CSMD2: variants seen among roughly 807,000 people sequenced by gnomAD.
CSMD2 encodes CUB and sushi domain-containing protein 2.
Under a neutral mutation model 398.5 loss-of-function variants are expected in CSMD2, and 130 were observed. The observed-to-expected ratio is 0.33, with a 90% CI of 0.28 to 0.38. The LOEUF is 0.38. CSMD2 is among the 10% of genes least tolerant of loss of function. CSMD2 has a pLI of 1.00. For missense variants in CSMD2, 3,829 were observed against 4,764.9 expected (o/e 0.80, Z 5.78); for synonymous variants, 1,828 against 1,908.5 (o/e 0.96, Z 1.10).
At position 33,635,787 on chromosome 1, in the gene CSMD2, C is replaced by T. The variant is rs1346591697; in HGVS notation, c.4970-457G>A. On this transcript the variant is annotated intron_variant, in intron 30 of 70. Coordinates refer to ENST00000373381, the MANE Select transcript of CSMD2 (RefSeq NM_001281956.2). This position sits in a 1 kb window ranked among gnomAD's most constrained non-coding sequence, Gnocchi z 5.0. ...TGGCCAGCCCATGTGACCCAGCCAC[C>T]TTCTGTTCCTCTCCAAGGTGCCCAA... 6.6e-6 allele frequency among the ~76,000 whole-genome samples: 1 copy of T among 152,134 alleles called. No homozygotes were observed. Among genetic ancestry groups the T allele is most frequent in the Non-Finnish European group, 1.5e-5 (1 of 68,016 alleles).
Position 33,571,508 on chromosome 1 carries a change from C to T in CSMD2, c.7957+24G>A, listed in dbSNP as rs746039464. ...GGTAGGAGGGACCCTGCTAAACTTG[C>T]CCACCCTCCCTTCCTGGGCTTACTT... On this transcript the variant is annotated intron_variant, in intron 51 of 70. Coordinates refer to ENST00000373381, the MANE Select transcript of CSMD2 (RefSeq NM_001281956.2). The T allele has an allele frequency of 8.5e-6, 12 of 1,405,868 alleles. No individual in the cohort carries two copies. In the Admixed American group the frequency reaches 2.4e-4, roughly 28 times the overall value. 87.1% of individuals were successfully genotyped at this position (1,405,868 alleles called of 1,614,324 possible).
intron 7 of CSMD2, among the ~76,000 whole-genome samples, chr1:33,820,898 A>G (rs963219898): frequency 2.6e-5 from 4 of 151,952 alleles, no homozygotes; most frequent in African/African-American, 7.3e-5. Flanking sequence ...ACCTCCCCCC[A>G]CCACGCCTAT....
chr1:33,625,172 C>T lies in CSMD2; in HGVS notation c.5379G>A (p.Val1793=). ...YGKRLGSDFS[V]GAIVRFECNS... is the part of the protein sequence containing the mutation. ...TGCATTCGAAGCGGACGATGGCCCC[C>T]ACCGAGAAGTCACTGCCCAGCCTCT... Residue 1793 remains valine (V), a synonymous_variant, in exon 34 of 71, where the codon GTG becomes GTA. Coordinates refer to ENST00000373381, the MANE Select transcript of CSMD2 (RefSeq NM_001281956.2). The T allele has an allele frequency of 6.2e-7, 1 of 1,614,050 alleles. No homozygotes were observed. The highest frequency in any genetic ancestry group is 8.5e-7 in the Non-Finnish European group (1 of 1,179,992).
intron 5 of CSMD2, among the ~76,000 whole-genome samples, chr1:33,892,046 A>AAAT (rs58301570): frequency 0.16 from 24,040 of 147,156 alleles, 2,690 homozygotes; most frequent in African/African-American, 0.31. Flanking sequence ...ACTTAAAGTA[A>AAAT]AATAATAATA....
intron 12 of CSMD2, among the ~76,000 whole-genome samples, chr1:33,781,868 A>G (rs947850675): frequency 6.6e-6 from 1 of 151,922 alleles, no homozygotes; most frequent in Non-Finnish European, 1.5e-5. Context: ...GTGCTCAGAT[A>G]TTGACAGATC....
At chr1:33,802,406 C>A (rs552551006) in intron 10 of CSMD2, among the ~76,000 whole-genome samples, 1 of 152,206 alleles carries the variant, frequency 6.6e-6, no homozygotes, top group Non-Finnish European at 1.5e-5. Flanking sequence ...AGGCGCACAG[C>A]CCATAGATGC....
intron 41 of CSMD2, chr1:33,606,096 G>A: frequency 2.1e-6 from 3 of 1,455,848 alleles, no homozygotes; most frequent in Non-Finnish European, 2.7e-6. Flanking sequence ...CCATGAGAGT[G>A]GGTGGCCTGA....
chr1:33,837,051 T>G (rs927920435), intron 6 of CSMD2, among the ~76,000 whole-genome samples: 6 of 152,096 alleles, frequency 3.9e-5, no homozygotes, highest in African/African-American at 1.4e-4. Flanking sequence ...GATGCTGGGG[T>G]CTCAGTTTTT....
chr1:34,088,744 CCT>C (rs967807629), intron 2 of CSMD2, among the ~76,000 whole-genome samples: 5 of 152,080 alleles, frequency 3.3e-5, no homozygotes, highest in African/African-American at 1.2e-4. Context: ...TGTCTAGAAC[CCT>C]CTTGTGTTTT....
intron 25 of CSMD2, among the ~76,000 whole-genome samples, chr1:33,682,134 C>T (rs192296027): frequency 6.6e-6 from 1 of 152,292 alleles, no homozygotes; most frequent in Admixed American, 6.5e-5. Flanking sequence ...ATTTCTGATG[C>T]TGCTGGCATT....
chr1:33,686,231 C>T (rs1645058398), intron 25 of CSMD2, among the ~76,000 whole-genome samples: 1 of 152,204 alleles, frequency 6.6e-6, no homozygotes, highest in Admixed American at 6.5e-5. Flanking sequence ...AGCTCGCCCA[C>T]TGATTATTAA....
intron 15 of CSMD2, among the ~76,000 whole-genome samples, chr1:33,737,698 C>T (rs1327517502): frequency 6.6e-6 from 1 of 152,134 alleles, no homozygotes; most frequent in East Asian, 1.9e-4. Flanking sequence ...AGGCTCTAGC[C>T]TAGTTAAAAG....
At chr1:33,718,350 A>G (rs945146701) in intron 19 of CSMD2, among the ~76,000 whole-genome samples, 5 of 152,258 alleles carry the variant, frequency 3.3e-5, no homozygotes, top group African/African-American at 1.2e-4. Flanking sequence ...TTTGGTGGGC[A>G]TGTGTGTAAG....
At chr1:33,642,783 TATA>T (rs908866952) in intron 29 of CSMD2, among the ~76,000 whole-genome samples, 4 of 152,232 alleles carry the variant, frequency 2.6e-5, no homozygotes, top group African/African-American at 9.6e-5. Context: ...CTTGTGTTTT[TATA>T]ATAAGTTACC....
chr1:33,651,637 G>A (rs1643760431), intron 28 of CSMD2, among the ~76,000 whole-genome samples: 2 of 152,206 alleles, frequency 1.3e-5, no homozygotes, highest in South Asian at 2.1e-4. Context: ...AGAGCTTGGA[G>A]AACTGGGAAG....
intron 1 of CSMD2, among the ~76,000 whole-genome samples, chr1:34,147,133 G>C (rs771139): frequency 0.77 from 116,957 of 151,866 alleles, 46,692 homozygotes; most frequent in Non-Finnish European, 0.87. Flanking sequence ...TGGCAGGCGC[G>C]TGTAGTCCCA....
intron 44 of CSMD2, chr1:33,599,996 T>G: frequency 1.6e-6 from 1 of 615,134 alleles, no homozygotes; most frequent in Admixed American, 3.1e-5. Context: ...CCACATGGTT[T>G]TGGGCAAGTA....
intron 3 of CSMD2, among the ~76,000 whole-genome samples, chr1:33,990,012 G>A (rs546578633): frequency 6.6e-6 from 1 of 152,152 alleles, no homozygotes; most frequent in East Asian, 1.9e-4. Context: ...CAATAAGAGT[G>A]ATTTAAAAAA....
chr1:33,733,733 C>A (rs755275556), intron 15 of CSMD2, among the ~76,000 whole-genome samples: 18 of 152,176 alleles, frequency 1.2e-4, no homozygotes, highest in Non-Finnish European at 2.2e-4. Context: ...TGTCCTGACG[C>A]CCTGTGAAGA....
Sources: allele counts gnomAD v4.1 joint callset (sites outside exome capture counted in the v4.1 genomes callset), GRCh38; gene constraint gnomAD v4.1.1; non-coding constraint Gnocchi (gnomAD v3.1); transcripts MANE v1.5; gene names NCBI Gene and HGNC (gene_info 2026-07-23, HGNC 2026-07-21).